OR2C1: variants seen among roughly 807,000 people sequenced by gnomAD.
OR2C1 encodes olfactory receptor family 2 subfamily C member 1, also known as olfactory receptor 2C1.
For missense variants in OR2C1, 468 were observed against 388.3 expected (o/e 1.21, Z -1.73); for synonymous variants, 209 against 167.3 (o/e 1.25, Z -1.92).
At chr16:3,334,645 A>G in the OR2C1 span, among the ~76,000 whole-genome samples, 2 of 150,902 alleles carry the variant, frequency 1.3e-5, no homozygotes, top group Non-Finnish European at 3.0e-5. Context: ...TTCCCATTGT[A>G]TATTCTTGAC....
the OR2C1 span, among the ~76,000 whole-genome samples, chr16:3,341,958 G>A: frequency 1.6e-4 from 25 of 152,068 alleles, no homozygotes; most frequent in African/African-American, 4.8e-4. Flanking sequence ...TATCCTAGAG[G>A]AATAAAAGCT....
the OR2C1 span, among the ~76,000 whole-genome samples, chr16:3,331,764 GGC>G: frequency 1.3e-5 from 2 of 151,204 alleles, no homozygotes. Flanking sequence ...CTGCTATAAA[GGC>G]ACATGCACAC....
rs1457776473 is a variant in OR2C1, at chr16:3,356,993, C to CCTGACAGCCCTAAG, written c.*132_*145dup. Reference sequence around the variant, plus strand: ...AATTCCGGTAAAACCAAGGCATGTTCCTGACAGCCCTAAGCTGACAGCCCT... The same window carrying CCTGACAGCCCTAAG: ...AATTCCGGTAAAACCAAGGCATGTTCCTGACAGCCCTAAGCTGACAGCCCTAAGCTGACAGCCCT... On this transcript the variant is annotated 3_prime_UTR_variant, in exon 1 of 1. Coordinates refer to ENST00000304936, the MANE Select transcript of OR2C1 (RefSeq NM_012368.3). The CCTGACAGCCCTAAG allele has an allele frequency of 3.4e-6, 3 of 895,404 alleles. No homozygotes were observed. The highest frequency in any genetic ancestry group is 2.7e-5 in the East Asian group (1 of 37,560). The allele number at this position is 895,404 out of a possible 1,614,324, so 55.5% of individuals were successfully genotyped here. A position where few individuals can be genotyped will look rare whatever the true frequency, so the allele number is the denominator to read the frequency against.
At chr16:3,345,250 T>C in the OR2C1 span, among the ~76,000 whole-genome samples, 4 of 151,960 alleles carry the variant, frequency 2.6e-5, no homozygotes, top group Admixed American at 2.6e-4. Flanking sequence ...GGGCAGATCA[T>C]GAGGTCGGCA....
chr16:3,347,784 G>C, the OR2C1 span, among the ~76,000 whole-genome samples: 2 of 150,154 alleles, frequency 1.3e-5, no homozygotes, highest in African/African-American at 2.5e-5. Flanking sequence ...ATGCACACAC[G>C]CACACACACA....
chr16:3,325,247 G>T, the OR2C1 span, among the ~76,000 whole-genome samples: 1 of 151,946 alleles, frequency 6.6e-6, no homozygotes, highest in Non-Finnish European at 1.5e-5. Flanking sequence ...CTCCCAATGT[G>T]CTGGGATTAC....
chr16:3,328,729 C>T, the OR2C1 span, among the ~76,000 whole-genome samples: 13 of 152,162 alleles, frequency 8.5e-5, no homozygotes, highest in African/African-American at 1.2e-4. Flanking sequence ...AAGCATACCA[C>T]GTTAACTGAA....
the OR2C1 span, among the ~76,000 whole-genome samples, chr16:3,342,693 C>T: frequency 3.3e-5 from 5 of 152,136 alleles, no homozygotes; most frequent in Admixed American, 6.5e-5. Context: ...GCCTGGCCAA[C>T]ATGGTGAAAC....
chr16:3,355,803 T>A (rs1366578730), upstream of OR2C1: 1 of 642,646 alleles, frequency 1.6e-6, no homozygotes, highest in Non-Finnish European at 2.7e-6. Flanking sequence ...AAAAAATAGG[T>A]TGTTACTTAA....
chr16:3,325,460 AATATATATATATATATATATATAT>A, the OR2C1 span, among the ~76,000 whole-genome samples: 537 of 93,166 alleles, frequency 5.8e-3, 6 homozygotes, highest in East Asian at 0.065. Flanking sequence ...TATGTCTAAA[AATATATATATATATATATATATAT>A]ATATATATAT....
chr16:3,349,980 G>A, the OR2C1 span, among the ~76,000 whole-genome samples: 1,338 of 151,128 alleles, frequency 8.9e-3, 16 homozygotes, highest in African/African-American at 0.031. Flanking sequence ...GCCCAAGCCC[G>A]TTTATACAGA....
At chr16:3,334,468 G>T in the OR2C1 span, among the ~76,000 whole-genome samples, 18 of 150,566 alleles carry the variant, frequency 1.2e-4, no homozygotes, top group East Asian at 3.0e-3. Flanking sequence ...TGTACAGACA[G>T]GGTTTTACCA....
upstream of OR2C1, among the ~76,000 whole-genome samples, chr16:3,354,316 A>G (rs1345162100): frequency 6.6e-6 from 1 of 152,158 alleles, no homozygotes; most frequent in Non-Finnish European, 1.5e-5. Context: ...TTGATGATTT[A>G]GACGTGGACA....
chr16:3,337,224 T>A, the OR2C1 span, among the ~76,000 whole-genome samples: 4 of 151,876 alleles, frequency 2.6e-5, no homozygotes, highest in East Asian at 5.8e-4. Flanking sequence ...GTGCAATCTC[T>A]GCTCACTGCA....
chr16:3,329,882 G>A, the OR2C1 span, among the ~76,000 whole-genome samples: 1 of 147,734 alleles, frequency 6.8e-6, no homozygotes, highest in East Asian at 2.0e-4. Flanking sequence ...AGCCTCCTGA[G>A]TAGCTGGGAT....
the OR2C1 span, among the ~76,000 whole-genome samples, chr16:3,336,267 G>A: frequency 6.6e-6 from 1 of 152,110 alleles, no homozygotes; most frequent in African/African-American, 2.4e-5. Context: ...CATGGTGAAC[G>A]ATCTTTTTAA....
the OR2C1 span, among the ~76,000 whole-genome samples, chr16:3,346,624 C>CTTTT: frequency 0.011 from 1,386 of 128,018 alleles, 59 homozygotes; most frequent in East Asian, 0.027. Context: ...GTCCATGCAT[C>CTTTT]TTTTTTTTTT....
the OR2C1 span, among the ~76,000 whole-genome samples, chr16:3,336,136 G>T: frequency 6.6e-6 from 1 of 152,050 alleles, no homozygotes; most frequent in African/African-American, 2.4e-5. Flanking sequence ...AAGAGATGTT[G>T]AATTATGTCA....
downstream of OR2C1, among the ~76,000 whole-genome samples, chr16:3,357,476 C>A (rs1312395934): frequency 6.6e-6 from 1 of 152,138 alleles, no homozygotes; most frequent in Non-Finnish European, 1.5e-5. Flanking sequence ...TGGGCTCAAG[C>A]AATCCTTCAG....
Sources: allele counts gnomAD v4.1 joint callset (sites outside exome capture counted in the v4.1 genomes callset), GRCh38; gene constraint gnomAD v4.1.1; transcripts MANE v1.5; gene names NCBI Gene and HGNC (gene_info 2026-07-23, HGNC 2026-07-21).